The following SEPTIN9 variants were observed in gnomAD, a reference collection of about 807,000 sequenced individuals.
The protein encoded by SEPTIN9 is septin 9.
SEPTIN9 carries 13 observed loss-of-function variants against 56.6 expected under a neutral mutation model. That is an observed-to-expected ratio of 0.23 (90% confidence interval 0.15 to 0.37). SEPTIN9 has a LOEUF of 0.37. Among genes scored for constraint, SEPTIN9 ranks in the 10% least tolerant of loss-of-function variants. The probability of loss-of-function intolerance (pLI) is 1.00; values close to 1 mark genes in which losing one functional copy is unlikely to be tolerated. For missense variants in SEPTIN9, 650 were observed against 823.1 expected (o/e 0.79, Z 2.57); for synonymous variants, 332 against 334.1 (o/e 0.99, Z 0.07).
chr17:77,312,426 CG>C (rs1567987414), intron 2 of SEPTIN9, among the ~76,000 whole-genome samples: 1 of 152,160 alleles, frequency 6.6e-6, no homozygotes, highest in African/African-American at 2.4e-5. Flanking sequence ...TCTGAGTGCT[CG>C]GGCCCCCCCT....
intron 3 of SEPTIN9, among the ~76,000 whole-genome samples, chr17:77,404,752 T>C (rs1024858141): frequency 1.6e-4 from 24 of 152,056 alleles, no homozygotes; most frequent in African/African-American, 5.1e-4. Flanking sequence ...ACACACTGAG[T>C]AGCCAGAGGC....
intron 3 of SEPTIN9, among the ~76,000 whole-genome samples, chr17:77,415,330 G>GGC (rs1322811023): frequency 2.0e-5 from 3 of 152,192 alleles, no homozygotes; most frequent in Non-Finnish European, 2.9e-5. Flanking sequence ...GTCTCGGCCA[G>GGC]GCGTGGTGCC....
At chr17:77,401,680 C>T (rs1278303195) in intron 2 of SEPTIN9, among the ~76,000 whole-genome samples, 5 of 151,608 alleles carry the variant, frequency 3.3e-5, no homozygotes, top group South Asian at 2.1e-4. Context: ...CGGGAGGTGC[C>T]GCTGCACTCC....
rs748302925 is a variant in SEPTIN9, at chr17:77,402,117, G to A, written c.135G>A (p.Arg45=). The part of the protein sequence containing the change: ...EVETPNSTPP[R]RVQTPLLRAT... ...AGACACCCAACTCCACCCCACCCCG[G>A]AGGGTCCAGACTCCCCTACTCCGAG... The change falls in exon 3 of 12, where the codon CGG becomes CGA. Residue 45 remains arginine (R), a synonymous_variant. Transcript: ENST00000427177. The surrounding 1 kb of genome is among the most constrained non-coding windows in gnomAD (Gnocchi z 6.6). 6 of 1,613,900 alleles carry A rather than the reference G, an allele frequency of 3.7e-6. No homozygotes were observed. The highest frequency in any genetic ancestry group is 1.6e-4 in the Middle Eastern group (1 of 6,062).
In SEPTIN9 at chr17:77,499,244, A is replaced by G. The variant is rs886053492; in HGVS notation, c.*586A>G. On this transcript the variant is annotated 3_prime_UTR_variant, in exon 12 of 12. Transcript: ENST00000427177. Reference sequence around the variant, plus strand: ...GTCCCCTGCCACCGACTGCCCAGCCACTCCAAGCCCCCTGGCAGCTGCCCC... The same window carrying G: ...GTCCCCTGCCACCGACTGCCCAGCCGCTCCAAGCCCCCTGGCAGCTGCCCC... The G allele has an allele frequency of 1.0e-5, 6 of 593,758 alleles. No individual in the cohort carries two copies. Among genetic ancestry groups the G allele is most frequent in the Non-Finnish European group, 1.6e-5 (5 of 307,348 alleles). 36.8% of individuals were successfully genotyped at this position (593,758 alleles called of 1,614,324 possible).
chr17:77,287,866 T>G, intron 1 of SEPTIN9: 1 of 1,026,806 alleles, frequency 9.7e-7, no homozygotes, highest in Non-Finnish European at 1.2e-6. Context: ...GCGCAGGGAA[T>G]GTAAGATGAT....
intron 3 of SEPTIN9, among the ~76,000 whole-genome samples, chr17:77,440,310 AC>A (rs1021884079): frequency 6.6e-6 from 1 of 151,730 alleles, no homozygotes; most frequent in Non-Finnish European, 1.5e-5. Flanking sequence ...GCCCACCACC[AC>A]GCCCGGCGAA....
At chr17:77,284,623 T>A (rs565585660) in intron 1 of SEPTIN9, among the ~76,000 whole-genome samples, 76 of 152,322 alleles carry the variant, frequency 5.0e-4, no homozygotes, top group African/African-American at 1.2e-3. Context: ...TGGTGTTTTT[T>A]AATTTTATTT....
rs1235372939 is a variant in SEPTIN9 at position 77,441,705 on chromosome 17, T to C, written c.721+39002T>C. Among the ~76,000 whole-genome samples the C allele has an allele frequency of 2.6e-5, 4 of 152,324 alleles. No individual in the cohort carries two copies. The East Asian group carries it at 7.7e-4, about 29-fold the overall frequency. On this transcript the variant is annotated intron_variant, in intron 3 of 11. Transcript: ENST00000427177. ...GTGAAGCTGAAGATTTTTCTTTCCG[T>C]TTTTAAAAATGTTTACTCCCCAGGG...
intron 4 of SEPTIN9, chr17:77,482,707 C>T (rs2039508154): frequency 1.2e-5 from 7 of 584,740 alleles, no homozygotes; most frequent in African/African-American, 4.1e-5. Context: ...CCAGGCTCCC[C>T]ACCGCACCCC....
In SEPTIN9 at chr17:77,429,428, G is replaced by C. The variant is rs1222594104; in HGVS notation, c.721+26725G>C. The C allele has an allele frequency of 1.0e-5, 4 of 397,920 alleles. No homozygotes were observed. Among genetic ancestry groups the C allele is most frequent in the Non-Finnish European group, 2.1e-5 (4 of 188,726 alleles). The allele number at this position is 397,920 out of a possible 1,614,324, so 24.6% of individuals were successfully genotyped here. On this transcript the variant is annotated intron_variant, in intron 3 of 11. Coordinates refer to ENST00000427177, the MANE Select transcript of SEPTIN9 (RefSeq NM_001113491.2). The surrounding 1 kb of genome is among the most constrained non-coding windows in gnomAD (Gnocchi z 5.2). ...TACAGCGTGCTCGCCGATTGCATTTGGGGAGGGACTGAGGGCTGATTGTGT... is the reference window on the plus strand; with the variant it reads ...TACAGCGTGCTCGCCGATTGCATTTCGGGAGGGACTGAGGGCTGATTGTGT...
intron 2 of SEPTIN9, among the ~76,000 whole-genome samples, chr17:77,325,329 G>A (rs1466783785): frequency 6.6e-6 from 1 of 152,208 alleles, no homozygotes; most frequent in Non-Finnish European, 1.5e-5. Flanking sequence ...TGTGGTGTAA[G>A]GGCTGGTCCA....
chr17:77,423,768 C>T (rs563908601), intron 3 of SEPTIN9, among the ~76,000 whole-genome samples: 116 of 152,288 alleles, frequency 7.6e-4, no homozygotes, highest in South Asian at 1.0e-3. Flanking sequence ...TGTTTTTGAA[C>T]AGGAATGAAA....
rs2036848356 is a variant in SEPTIN9, at chr17:77,425,001, G to A, written c.721+22298G>A. On this transcript the variant is annotated intron_variant, in intron 3 of 11. Transcript: ENST00000427177. This position sits in a 1 kb window ranked among gnomAD's most constrained non-coding sequence, Gnocchi z 4.2. ...CCCATCAGTAGGGTGAGGGTAACCA[G>A]GACTTACGCATAGTTGGGCGAAGTC... 6.6e-6 allele frequency among the ~76,000 whole-genome samples: 1 copy of A among 152,202 alleles called. No individual in the cohort carries two copies. The highest frequency in any genetic ancestry group is 1.5e-5 in the Non-Finnish European group (1 of 68,028).
Position 77,487,585 on chromosome 17 carries a change from ACGCCCC to A in SEPTIN9, c.1042+34_1042+39del, listed in dbSNP as rs1434889586. The stretch of plus-strand genomic sequence containing the variant: ...GCCGGGAGTGGGCTGGGGGTGCAGG[ACGCCCC>A]TGCCTTCCTGGAGCACAGGGGTTGG... On this transcript the variant is annotated intron_variant, in intron 5 of 11. Coordinates refer to ENST00000427177, the MANE Select transcript of SEPTIN9 (RefSeq NM_001113491.2). This position sits in a 1 kb window ranked among gnomAD's most constrained non-coding sequence, Gnocchi z 4.3. 630 of 1,602,018 alleles carry A rather than the reference ACGCCCC, an allele frequency of 3.9e-4. 8 individuals are homozygous for A. The African/African-American group carries it at 9.0e-3, about 23-fold the overall frequency.
In SEPTIN9 at chr17:77,437,852, A is replaced by C. The variant is rs532717860; in HGVS notation, c.721+35149A>C. ...CTGTAAGAAAGTCAGGTGCCTCCCGAAGCTTCTCCCTGGCCCCAGGCCAGA... is the reference window on the plus strand; with the variant it reads ...CTGTAAGAAAGTCAGGTGCCTCCCGCAGCTTCTCCCTGGCCCCAGGCCAGA... On this transcript the variant is annotated intron_variant, in intron 3 of 11. Coordinates refer to ENST00000427177, the MANE Select transcript of SEPTIN9 (RefSeq NM_001113491.2). The surrounding 1 kb of genome is among the most constrained non-coding windows in gnomAD (Gnocchi z 5.3). Among the ~76,000 whole-genome samples, 3 of 152,200 alleles carry C rather than the reference A, an allele frequency of 2.0e-5. No homozygotes were observed. The highest frequency in any genetic ancestry group is 2.1e-4 in the South Asian group (1 of 4,818).
Position 77,498,728 on chromosome 17 carries a change from C to A in SEPTIN9, c.*70C>A, listed in dbSNP as rs1200239557. ...CGTCCCCCCCCAGGCCCTCCCACCA[C>A]CCCATTTTATTTTATATGATTTTCT... On this transcript the variant is annotated 3_prime_UTR_variant, in exon 12 of 12. Coordinates refer to ENST00000427177, the MANE Select transcript of SEPTIN9 (RefSeq NM_001113491.2). 2.2e-6 allele frequency: 2 copies of A among 905,998 alleles called. No individual in the cohort carries two copies. The highest frequency in any genetic ancestry group is 1.7e-5 in the African/African-American group (1 of 59,708). The allele number at this position is 905,998 out of a possible 1,614,324, so 56.1% of individuals were successfully genotyped here.
At chr17:77,394,677 G>T (rs1209311315) in intron 2 of SEPTIN9, among the ~76,000 whole-genome samples, 1 of 152,154 alleles carries the variant, frequency 6.6e-6, no homozygotes, top group Non-Finnish European at 1.5e-5. Context: ...GGCTCGCTTG[G>T]TGTTCCCTCC....
intron 3 of SEPTIN9, among the ~76,000 whole-genome samples, chr17:77,479,816 G>A (rs1420547604): frequency 1.3e-5 from 2 of 152,092 alleles, no homozygotes; most frequent in South Asian, 4.1e-4. Context: ...CCCAGTCCCA[G>A]GCAAAATGGC....
Sources: gnomAD v4.1 joint callset for allele counts (sites outside exome capture counted in the v4.1 genomes callset) on GRCh38, gnomAD v4.1.1 for gene constraint, Gnocchi (gnomAD v3.1) non-coding constraint, MANE v1.5 for transcripts, NCBI Gene and HGNC (gene_info 2026-07-23, HGNC 2026-07-21) for gene names.